GFI1B: variants seen among roughly 807,000 people sequenced by gnomAD.
GFI1B encodes the protein growth factor independent 1B transcriptional repressor, also known as zinc finger protein Gfi-1b.
GFI1B carries 20 observed loss-of-function variants against 35.3 expected under a neutral mutation model. The observed-to-expected ratio is 0.57, with a 90% confidence interval of 0.40 to 0.82. GFI1B has a LOEUF of 0.82. GFI1B is among the 40% of genes least tolerant of loss of function. The pLI is 0.00. For missense variants in GFI1B, 430 were observed against 446.3 expected (o/e 0.96, Z 0.33); for synonymous variants, 178 against 177.6 (o/e 1.00, Z -0.02).
chr9:132,978,021 C>T (rs1188740564), upstream of GFI1B, among the ~76,000 whole-genome samples: 1 of 151,468 alleles, frequency 6.6e-6, no homozygotes, highest in Non-Finnish European at 1.5e-5. Context: ...CAAGAGGGGC[C>T]TCTATGCATG....
chr9:132,974,623 A>AG (rs1356245304), upstream of GFI1B, among the ~76,000 whole-genome samples: 1 of 143,652 alleles, frequency 7.0e-6, no homozygotes, highest in Non-Finnish European at 1.5e-5. Flanking sequence ...AAAAAAAAAA[A>AG]GGGAAGACAA....
Position 132,989,033 on chromosome 9 carries a change from T to G in GFI1B, c.511-28T>G, listed in dbSNP as rs1323156479. ...CTGTCCCTGTCACCGCAGCCCCCAG[T>G]GGCCTCACATGCTGCCCCTGCTCCC... On this transcript the variant is annotated intron_variant, in intron 4 of 6. Coordinates refer to ENST00000372122, the MANE Select transcript of GFI1B (RefSeq NM_001377304.1). This position sits in a 1 kb window ranked among gnomAD's most constrained non-coding sequence, Gnocchi z 6.2. 2.5e-6 allele frequency: 4 copies of G among 1,612,030 alleles called. No individual in the cohort carries two copies. The highest frequency in any genetic ancestry group is 2.5e-6 in the Non-Finnish European group (3 of 1,178,182).
chr9:132,992,091 G>C (rs1192478266), downstream of GFI1B, among the ~76,000 whole-genome samples: 1 of 152,182 alleles, frequency 6.6e-6, no homozygotes, highest in Admixed American at 6.5e-5. Flanking sequence ...CAGGCTCCCA[G>C]GAGAGTCTGT....
rs183918777 is a variant in GFI1B, at chr9:132,960,474, T to C, written c.-700-12251T>C. Among the ~76,000 whole-genome samples the C allele has an allele frequency of 1.6e-3, 238 of 152,218 alleles. 2 individuals carry two copies. The highest frequency in any genetic ancestry group is 4.3e-4 in the African/African-American group (18 of 41,534). On this transcript the variant is annotated intron_variant, in intron 1 of 10. Transcript: ENST00000339463. ...GTGGAATGTTGTCAAAGGCTTCATC[T>C]TGACATTGATGCCTGCCAATTTTAT...
At chr9:132,950,513 C>A (rs958154860) in intron 1 of GFI1B, among the ~76,000 whole-genome samples, 1 of 149,414 alleles carries the variant, frequency 6.7e-6, no homozygotes, top group African/African-American at 2.5e-5. Flanking sequence ...AAGACAGGAA[C>A]AGGCCAGGCT....
intron 1 of GFI1B, among the ~76,000 whole-genome samples, chr9:132,949,249 A>G (rs908462098): frequency 6.0e-5 from 9 of 148,922 alleles, no homozygotes; most frequent in Admixed American, 4.1e-4. Context: ...CTCACTGTGA[A>G]TCAAGCCAAA....
Position 132,989,689 on chromosome 9 carries a change from G to T in GFI1B, c.649-53G>T. The T allele has an allele frequency of 6.6e-7, 1 of 1,508,706 alleles. No individual in the cohort carries two copies. The highest frequency in any genetic ancestry group is 9.2e-7 in the Non-Finnish European group (1 of 1,089,128). 93.5% of individuals were successfully genotyped at this position (1,508,706 alleles called of 1,614,324 possible). ...CCTGTTCCGCAGGGGATCCCGGCCG[G>T]GTCCAGTCCTGAGCCTGCACCTGAC... is the stretch of plus-strand genomic sequence containing the variant. On this transcript the variant is annotated intron_variant, in intron 5 of 6. Coordinates refer to ENST00000372122, the MANE Select transcript of GFI1B (RefSeq NM_001377304.1). This position sits in a 1 kb window ranked among gnomAD's most constrained non-coding sequence, Gnocchi z 6.2.
At chr9:132,988,977 T>C in intron 4 of GFI1B, 84 bp from the exon 5 acceptor site, 2 of 1,333,026 alleles carry the variant, frequency 1.5e-6, no homozygotes, top group Non-Finnish European at 2.2e-6. Context: ...TGGCCAGAGC[T>C]GGGCATGGAA....
At chr9:132,953,600 G>A (rs1186421297) in intron 1 of GFI1B, 1 of 151,850 alleles carries the variant, frequency 6.6e-6, no homozygotes, top group African/African-American at 2.4e-5. Flanking sequence ...GTTGCAGTGA[G>A]CTGACATGGC....
chr9:132,949,515 A>C (rs539729495), intron 1 of GFI1B, among the ~76,000 whole-genome samples: 1 of 152,244 alleles, frequency 6.6e-6, no homozygotes, highest in South Asian at 2.1e-4. Context: ...CAGGGGGACC[A>C]TTCAAACTGC....
intron 1 of GFI1B, among the ~76,000 whole-genome samples, chr9:132,968,755 G>A (rs1459976722): frequency 6.6e-6 from 1 of 152,120 alleles, no homozygotes; most frequent in Non-Finnish European, 1.5e-5. Context: ...GAAAATGAAG[G>A]CCTCAGAGGC....
upstream of GFI1B, among the ~76,000 whole-genome samples, chr9:132,976,301 A>G (rs1164341570): frequency 6.6e-6 from 1 of 152,228 alleles, no homozygotes; most frequent in African/African-American, 2.4e-5. Flanking sequence ...TTCACGGAAA[A>G]TGACACGCTG....
At chr9:132,993,118 A>C (rs1564183241), downstream of GFI1B, among the ~76,000 whole-genome samples, 1 of 152,104 alleles carries the variant, frequency 6.6e-6, no homozygotes, top group African/African-American at 2.4e-5. Context: ...ACATGGTGAA[A>C]CCCTGTCTCT....
Position 132,959,045 on chromosome 9 carries a change from T to C in GFI1B, c.-701+13376T>C, listed in dbSNP as rs73554504. Among the ~76,000 whole-genome samples, 418 of 152,282 alleles carry C rather than the reference T, an allele frequency of 2.7e-3. 1 individual carries two copies. Among genetic ancestry groups the C allele is most frequent in the African/African-American group, 8.7e-3 (363 of 41,558 alleles). On this transcript the variant is annotated intron_variant, in intron 1 of 10. Coordinates refer to the GFI1B transcript ENST00000339463. ...GTGAGTCTCCAAGCCTCAGTTTCTC[T>C]GTCTGTAAAATGGAGATGACACTAA...
chr9:132,980,172 C>A (rs1848769964), intron 1 of GFI1B, among the ~76,000 whole-genome samples: 1 of 150,972 alleles, frequency 6.6e-6, no homozygotes, highest in African/African-American at 2.4e-5. Flanking sequence ...TTAATGGAAT[C>A]ACTCAAAACC....
intron 1 of GFI1B, among the ~76,000 whole-genome samples, chr9:132,982,718 C>T (rs1296069949): frequency 6.6e-6 from 1 of 151,964 alleles, no homozygotes; most frequent in African/African-American, 2.4e-5. Flanking sequence ...AAAAACAACT[C>T]TGCTAACAGG....
intron 2 of GFI1B, among the ~76,000 whole-genome samples, chr9:132,972,992 A>C (rs1023082004): frequency 6.6e-6 from 1 of 152,094 alleles, no homozygotes; most frequent in African/African-American, 2.4e-5. Flanking sequence ...ACTGCTGTCC[A>C]CCCTTCAGCG....
At chr9:132,967,461 C>T (rs1848466087) in intron 1 of GFI1B, among the ~76,000 whole-genome samples, 1 of 152,132 alleles carries the variant, frequency 6.6e-6, no homozygotes, top group Admixed American at 6.5e-5. Context: ...GGGTGCTCTT[C>T]CATCATAAAG....
chr9:132,974,227 G>A (rs1848585058), upstream of GFI1B, among the ~76,000 whole-genome samples: 1 of 152,198 alleles, frequency 6.6e-6, no homozygotes, highest in Non-Finnish European at 1.5e-5. Flanking sequence ...TGAGCTGTGT[G>A]CCTGGAAAAA....
Sources: gnomAD v4.1 joint callset for allele counts (sites outside exome capture counted in the v4.1 genomes callset) on GRCh38, gnomAD v4.1.1 for gene constraint, Gnocchi (gnomAD v3.1) non-coding constraint, MANE v1.5 for transcripts, NCBI Gene and HGNC (gene_info 2026-07-23, HGNC 2026-07-21) for gene names.